The following TRDN variants were observed in gnomAD, a reference collection of about 807,000 sequenced individuals.
TRDN encodes the protein triadin, also known as triadin in skeletal muscle.
Under a neutral mutation model 149.7 loss-of-function variants are expected in TRDN, and 161 were observed. The observed-to-expected ratio is 1.08, with a 90% CI of 0.95 to 1.23. TRDN has a LOEUF of 1.23. Among genes scored for constraint, TRDN ranks in the 50% most tolerant of loss-of-function variants. The probability of loss-of-function intolerance (pLI) is 0.00; values close to 1 mark genes in which losing one functional copy is unlikely to be tolerated. For synonymous variants in TRDN, 294 were observed against 250.5 expected (o/e 1.17, Z -1.64); for missense variants, 896 against 823.5 (o/e 1.09, Z -1.08).
At chr6:123,442,562 G>GAAAAAA (rs58272597) in intron 10 of TRDN, among the ~76,000 whole-genome samples, 1 of 120,476 alleles carries the variant, frequency 8.3e-6, no homozygotes, top group Non-Finnish European at 1.6e-5. Flanking sequence ...AAAAAAAAAA[G>GAAAAAA]AAAAAAAAAA....
chr6:123,351,727 A>T, intron 21 of TRDN: 1 of 926,426 alleles, frequency 1.1e-6, no homozygotes, highest in Non-Finnish European at 1.3e-6. Context: ...TGCATCTCAA[A>T]TTTGAAGGAG....
In TRDN at chr6:123,443,148, T is replaced by C. The variant is rs559488624; in HGVS notation, c.932-4145A>G. Among the ~76,000 whole-genome samples, 26 of 151,872 alleles carry C rather than the reference T, an allele frequency of 1.7e-4. No individual in the cohort carries two copies. The East Asian group carries it at 5.0e-3, about 29-fold the overall frequency. On this transcript the variant is annotated intron_variant, in intron 10 of 40. Coordinates refer to ENST00000334268, the MANE Select transcript of TRDN (RefSeq NM_006073.4). ...GATGGCATGTTGTCTGGTTTTGATATGGCTTAAAATTGTTTAAAGCAAGAG... is the reference window on the plus strand; with the variant it reads ...GATGGCATGTTGTCTGGTTTTGATACGGCTTAAAATTGTTTAAAGCAAGAG...
chr6:123,253,915 G>A (rs765607404), intron 37 of TRDN, among the ~76,000 whole-genome samples: 11 of 152,072 alleles, frequency 7.2e-5, no homozygotes, highest in Admixed American at 2.0e-4. Context: ...TTGCAGCAGC[G>A]TAATAGAATA....
chr6:123,422,278 T>C (rs1177808134), intron 12 of TRDN, among the ~76,000 whole-genome samples: 1 of 152,192 alleles, frequency 6.6e-6, no homozygotes, highest in African/African-American at 2.4e-5. Flanking sequence ...TACCCAAGTT[T>C]GGCCAATCAG....
At chr6:123,496,051 A>G (rs1324387087) in intron 9 of TRDN, among the ~76,000 whole-genome samples, 1 of 147,300 alleles carries the variant, frequency 6.8e-6, no homozygotes, top group African/African-American at 2.5e-5. Flanking sequence ...TATTAATAAT[A>G]TATATCATTA....
chr6:123,633,613 T>A (rs1786129037), intron 1 of TRDN, among the ~76,000 whole-genome samples: 1 of 152,106 alleles, frequency 6.6e-6, no homozygotes, highest in Non-Finnish European at 1.5e-5. Context: ...ATCATTGCTG[T>A]TATAATTATC....
At chr6:123,272,942 A>T in intron 29 of TRDN, 22 bp downstream of exon 29, 1 of 1,501,726 alleles carries the variant, frequency 6.7e-7, no homozygotes, top group Non-Finnish European at 9.0e-7. Flanking sequence ...ATTTGAGACT[A>T]CAAATACCAC....
intron 12 of TRDN, among the ~76,000 whole-genome samples, chr6:123,409,358 T>G (rs1416666769): frequency 1.3e-5 from 2 of 152,194 alleles, no homozygotes; most frequent in Non-Finnish European, 2.9e-5. Context: ...TATGGATTAG[T>G]GAAAAGAACA....
chr6:123,542,732 A>G (rs534027247), intron 4 of TRDN, among the ~76,000 whole-genome samples: 11 of 152,232 alleles, frequency 7.2e-5, no homozygotes, highest in African/African-American at 2.6e-4. Context: ...ATAAATAGAG[A>G]AAAACACTAA....
intron 30 of TRDN, 26 bp downstream of exon 30, chr6:123,271,113 A>G: frequency 6.9e-7 from 1 of 1,450,722 alleles, no homozygotes; most frequent in Non-Finnish European, 9.3e-7. Context: ...TGAGACATAG[A>G]AAAAAATATA....
chr6:123,249,996 G>T (rs1373670292), intron 38 of TRDN, among the ~76,000 whole-genome samples: 1 of 152,084 alleles, frequency 6.6e-6, no homozygotes, highest in East Asian at 1.9e-4. Context: ...AATAAATTTA[G>T]TAAAGTTGCA....
chr6:123,242,588 T>C (rs1243960915), intron 38 of TRDN, among the ~76,000 whole-genome samples: 1 of 152,066 alleles, frequency 6.6e-6, no homozygotes, highest in Non-Finnish European at 1.5e-5. Context: ...GAAACAAAAG[T>C]ATCAAGTAGA....
In TRDN at chr6:123,383,811, T is replaced by G. The variant is rs534245438; in HGVS notation, c.1136-1664A>C. ...ATTAGGCAAGATTTTATTACCTCTC[T>G]TTCTGAATTTCAAATTTTTCTGTAA... On this transcript the variant is annotated intron_variant, in intron 14 of 40. Transcript: ENST00000334268. 5.5e-4 allele frequency among the ~76,000 whole-genome samples: 84 copies of G among 152,268 alleles called. 1 individual carries two copies. The Middle Eastern group carries it at 0.027, about 49-fold the overall frequency.
intron 21 of TRDN, among the ~76,000 whole-genome samples, chr6:123,340,707 C>T (rs938499365): frequency 6.6e-6 from 1 of 151,814 alleles, no homozygotes; most frequent in African/African-American, 2.4e-5. Flanking sequence ...ATGAATAATA[C>T]CAACATACCA....
At chr6:123,460,101 C>T (rs545264767) in intron 10 of TRDN, among the ~76,000 whole-genome samples, 33 of 152,304 alleles carry the variant, frequency 2.2e-4, no homozygotes, top group Middle Eastern at 3.4e-3. Context: ...ATCTTGAAAA[C>T]AAAGTTAATC....
chr6:123,500,725 T>G (rs1261982619), intron 8 of TRDN, among the ~76,000 whole-genome samples: 2 of 152,072 alleles, frequency 1.3e-5, no homozygotes, highest in Non-Finnish European at 2.9e-5. Flanking sequence ...TGTGGAATAG[T>G]AACAAAGGGA....
intron 1 of TRDN, among the ~76,000 whole-genome samples, chr6:123,573,189 A>C (rs1209431217): frequency 6.6e-6 from 1 of 152,098 alleles, no homozygotes; most frequent in Non-Finnish European, 1.5e-5. Context: ...AATGGCTAGA[A>C]GGTCGCTATT....
intron 4 of TRDN, among the ~76,000 whole-genome samples, chr6:123,540,910 G>C (rs1583213268): frequency 1.3e-5 from 2 of 152,260 alleles, no homozygotes; most frequent in South Asian, 4.1e-4. Flanking sequence ...TAAGCTTTCT[G>C]TTATGCTTTT....
chr6:123,296,541 T>C (rs1204521634), intron 24 of TRDN, among the ~76,000 whole-genome samples: 1 of 151,346 alleles, frequency 6.6e-6, no homozygotes, highest in Non-Finnish European at 1.5e-5. Flanking sequence ...TTATCAAGAT[T>C]AAAATGGAAA....
Sources: allele counts gnomAD v4.1 joint callset (sites outside exome capture counted in the v4.1 genomes callset), GRCh38; gene constraint gnomAD v4.1.1; transcripts MANE v1.5; gene names NCBI Gene and HGNC (gene_info 2026-07-23, HGNC 2026-07-21).